GLG1: variants seen among roughly 807,000 people sequenced by gnomAD.
GLG1 encodes the protein golgi glycoprotein 1.
Under a neutral mutation model 160.5 loss-of-function variants are expected in GLG1, and 38 were observed. The observed-to-expected ratio is 0.24, with a 90% CI of 0.18 to 0.31. The LOEUF is 0.31. GLG1 is among the 10% of genes least tolerant of loss of function. The pLI is 1.00. For synonymous variants in GLG1, 644 were observed against 543.4 expected (o/e 1.19, Z -2.57); for missense variants, 1,373 against 1,505.2 (o/e 0.91, Z 1.45).
intron 4 of GLG1, among the ~76,000 whole-genome samples, chr16:74,499,009 T>A (rs2016313741): frequency 6.6e-6 from 1 of 152,168 alleles, no homozygotes; most frequent in Admixed American, 6.5e-5. Flanking sequence ...TTCCAAGTGT[T>A]TCCATGAAAG....
intron 24 of GLG1, among the ~76,000 whole-genome samples, chr16:74,457,422 A>T (rs2014599431): frequency 6.6e-6 from 1 of 151,990 alleles, no homozygotes; most frequent in Admixed American, 6.6e-5. Context: ...AATACAAACA[A>T]ACAACTTCTA....
chr16:74,580,558 TAA>T (rs932933750), intron 1 of GLG1, among the ~76,000 whole-genome samples: 3 of 152,136 alleles, frequency 2.0e-5, no homozygotes, highest in African/African-American at 7.2e-5. Context: ...ATGTAAGATC[TAA>T]AACTACAATA....
chr16:74,483,163 T>C (rs2015667712), intron 9 of GLG1, 39 bp from the exon 10 acceptor site: 1 of 1,154,376 alleles, frequency 8.7e-7, no homozygotes, highest in African/African-American at 1.5e-5. Flanking sequence ...AAGAGAGAAG[T>C]GTTCAGAACT....
chr16:74,484,288 T>C (rs1325400585), intron 9 of GLG1, among the ~76,000 whole-genome samples: 1 of 152,184 alleles, frequency 6.6e-6, no homozygotes, highest in Non-Finnish European at 1.5e-5. Flanking sequence ...ATAAAGATTT[T>C]TGCAGAATGG....
chr16:74,516,131 C>T (rs1198862717), intron 2 of GLG1, among the ~76,000 whole-genome samples: 2 of 151,580 alleles, frequency 1.3e-5, no homozygotes, highest in Non-Finnish European at 2.9e-5. Context: ...ACACTGTCAA[C>T]ATTAGACAGA....
chr16:74,451,633 T>C lies in GLG1; in HGVS notation c.*1534A>G. The C allele has an allele frequency of 5.4e-6, 1 of 186,656 alleles. No homozygotes were observed. Among genetic ancestry groups the C allele is most frequent in the South Asian group, 1.1e-4 (1 of 8,836 alleles). 11.6% of individuals were successfully genotyped at this position (186,656 alleles called of 1,614,324 possible). A position where few individuals can be genotyped will look rare whatever the true frequency, so the allele number is the denominator to read the frequency against. ...TTTAGGCACGTGATTTATAATACTT[T>C]GTGGACATCTAACAGGTTAATAAAA... On this transcript the variant is annotated 3_prime_UTR_variant, in exon 26 of 26. Coordinates refer to ENST00000422840, the MANE Select transcript of GLG1 (RefSeq NM_001145667.2).
At chr16:74,574,098 G>C (rs1183848314) in intron 1 of GLG1, among the ~76,000 whole-genome samples, 1 of 152,156 alleles carries the variant, frequency 6.6e-6, no homozygotes, top group Non-Finnish European at 1.5e-5. Flanking sequence ...TATTATCTCT[G>C]TAATACAAAG....
intron 18 of GLG1, 148 bp from the exon 19 acceptor site, chr16:74,465,961 A>T: frequency 1.3e-6 from 1 of 756,314 alleles, no homozygotes; most frequent in South Asian, 1.7e-5. Flanking sequence ...TCCTTACCAA[A>T]GATAAGGATT....
chr16:74,598,044 A>T (rs771838303), intron 1 of GLG1, among the ~76,000 whole-genome samples: 39 of 152,066 alleles, frequency 2.6e-4, no homozygotes, highest in Non-Finnish European at 2.4e-4. Flanking sequence ...AACAAAATCA[A>T]TAAGAATGAT....
chr16:74,516,864 A>G (rs969089166), intron 2 of GLG1, among the ~76,000 whole-genome samples: 3 of 152,170 alleles, frequency 2.0e-5, no homozygotes, highest in Admixed American at 6.5e-5. Context: ...AAAATAATAA[A>G]GGGGCTATCA....
chr16:74,534,742 T>C (rs867137834), intron 1 of GLG1, among the ~76,000 whole-genome samples: 2 of 152,044 alleles, frequency 1.3e-5, no homozygotes, highest in Non-Finnish European at 1.5e-5. Flanking sequence ...ATAAACTGAG[T>C]ATACACCCGG....
At chr16:74,484,909 C>T (rs1291158508) in intron 9 of GLG1, among the ~76,000 whole-genome samples, 3 of 152,052 alleles carry the variant, frequency 2.0e-5, no homozygotes, top group African/African-American at 4.8e-5. Flanking sequence ...TGAGCCACCA[C>T]GCCTGGCTTG....
chr16:74,489,034 G>GT lies in GLG1; in HGVS notation c.1449+1966dup, dbSNP rs567329301. On this transcript the variant is annotated intron_variant, in intron 8 of 25. Transcript: ENST00000422840. ...ACAGGGTGATGTGGGAAGTACTTAT[G>GT]TATCTTTCAAGCTGAGTCACTAGTT... Among the ~76,000 whole-genome samples the GT allele has an allele frequency of 1.4e-4, 21 of 152,312 alleles. No homozygotes were observed. The East Asian group carries it at 4.0e-3, about 29-fold the overall frequency.
chr16:74,569,768 C>CA (rs958606709), intron 1 of GLG1, among the ~76,000 whole-genome samples: 1 of 148,962 alleles, frequency 6.7e-6, no homozygotes, highest in Non-Finnish European at 1.5e-5. Context: ...GAGGCTGAAG[C>CA]AGGAGAATCA....
At chr16:74,512,775 A>C (rs958561311) in intron 2 of GLG1, among the ~76,000 whole-genome samples, 4 of 152,198 alleles carry the variant, frequency 2.6e-5, no homozygotes, top group Non-Finnish European at 4.4e-5. Flanking sequence ...GGGAATAAAC[A>C]ATAAAAATAT....
chr16:74,491,189 C>A lies in GLG1; in HGVS notation c.1261G>T (p.Gly421Trp). 2 of 1,613,944 alleles carry A rather than the reference C, an allele frequency of 1.2e-6. No individual in the cohort carries two copies. The highest frequency in any genetic ancestry group is 2.2e-5 in the South Asian group (2 of 91,062). ...RGRQVSSECQ[G>W]EMLDYRRMLM... ...ATGCGTCGGTAATCCAGCATCTCCCCCTGGCACTCACTGCTGACTTGTCGC... is the reference window on the plus strand; with the variant it reads ...ATGCGTCGGTAATCCAGCATCTCCCACTGGCACTCACTGCTGACTTGTCGC... The change falls in exon 8 of 26, where the codon GGG (glycine) becomes TGG (tryptophan). Residue 421 changes from glycine to tryptophan, a missense_variant. Physicochemically the swap from Gly to Trp is radical, Grantham distance 184. Around this residue, in one of 4 missense-constraint regions of GLG1, gnomAD observed 386 missense variants for 388.5 expected, o/e 0.99. Transcript: ENST00000422840.
At chr16:74,483,420 G>A (rs2015676991) in intron 9 of GLG1, among the ~76,000 whole-genome samples, 1 of 152,096 alleles carries the variant, frequency 6.6e-6, no homozygotes, top group Non-Finnish European at 1.5e-5. Flanking sequence ...TAATGTAACA[G>A]CCACCTTCCC....
chr16:74,512,199 C>G (rs1239196902), intron 2 of GLG1, among the ~76,000 whole-genome samples: 1 of 142,476 alleles, frequency 7.0e-6, no homozygotes, highest in Non-Finnish European at 1.5e-5. Context: ...TGCTCTGTCA[C>G]CCAGGCTGAA....
chr16:74,532,903 A>G (rs553706761), intron 1 of GLG1, among the ~76,000 whole-genome samples: 1 of 152,304 alleles, frequency 6.6e-6, no homozygotes, highest in Admixed American at 6.5e-5. Flanking sequence ...ATCTCTAGGT[A>G]CTGTTTTTGA....
Sources: allele counts gnomAD v4.1 joint callset (sites outside exome capture counted in the v4.1 genomes callset), GRCh38; gene constraint gnomAD v4.1.1; regional missense constraint gnomAD v4.1.1; transcripts MANE v1.5; gene names NCBI Gene and HGNC (gene_info 2026-07-23, HGNC 2026-07-21).